The following BICC1 variants were observed in gnomAD, a reference collection of about 807,000 sequenced individuals.
BICC1 encodes the protein BicC family RNA binding protein 1.
A neutral mutation model predicts 111.0 loss-of-function variants in BICC1; 43 were observed. That is an observed-to-expected ratio of 0.39 (90% confidence interval 0.30 to 0.50). The LOEUF (loss-of-function observed/expected upper bound fraction) is 0.50, where lower values mean the gene tolerates loss of function less well. BICC1 is among the 20% of genes least tolerant of loss of function. BICC1 has a pLI of 0.88. For missense variants in BICC1, 1,091 were observed against 1,203.2 expected (o/e 0.91, Z 1.38); for synonymous variants, 467 against 434.4 (o/e 1.07, Z -0.93).
intron 1 of BICC1, among the ~76,000 whole-genome samples, chr10:58,560,123 G>C (rs1378349522): frequency 6.6e-6 from 1 of 151,788 alleles, no homozygotes; most frequent in Non-Finnish European, 1.5e-5. Flanking sequence ...ATTTTTTGGA[G>C]TGATTTGAGA....
chr10:58,622,005 T>C (rs976134471), intron 2 of BICC1, among the ~76,000 whole-genome samples: 1 of 150,190 alleles, frequency 6.7e-6, no homozygotes, highest in Non-Finnish European at 1.5e-5. Flanking sequence ...ATCTCTCCTC[T>C]ACCACAAAAA....
chr10:58,600,453 G>T (rs1256751135), intron 1 of BICC1, among the ~76,000 whole-genome samples: 1 of 152,106 alleles, frequency 6.6e-6, no homozygotes, highest in Non-Finnish European at 1.5e-5. Context: ...TAAGCATTCA[G>T]GCTTAGACAG....
chr10:58,575,736 T>C (rs1844093173), intron 1 of BICC1, among the ~76,000 whole-genome samples: 1 of 152,160 alleles, frequency 6.6e-6, no homozygotes, highest in Admixed American at 6.6e-5. Flanking sequence ...AACCAGTTTT[T>C]AAATGAGAGT....
intron 3 of BICC1, among the ~76,000 whole-genome samples, chr10:58,767,714 G>A (rs573251023): frequency 8.5e-4 from 129 of 152,038 alleles, no homozygotes; most frequent in African/African-American, 2.9e-3. Flanking sequence ...AATAAAACTC[G>A]GTGTAATCAG....
chr10:58,632,514 T>C (rs1377332955), intron 2 of BICC1, among the ~76,000 whole-genome samples: 1 of 151,970 alleles, frequency 6.6e-6, no homozygotes, highest in Non-Finnish European at 1.5e-5. Flanking sequence ...GATTTTTTTT[T>C]TTTTCCCCTA....
rs1306144158 is a variant in BICC1 at position 58,829,300 on chromosome 10, T to G, written c.*409T>G. On this transcript the variant is annotated 3_prime_UTR_variant, in exon 21 of 21. Transcript: ENST00000373886. ...ATTTTGTTTGCTTGTTTTGTTTGGG[T>G]ATTTGGGGATTTTTAAAAAATAATC... 1 of 149,998 alleles carries G rather than the reference T, an allele frequency of 6.7e-6. No individual in the cohort carries two copies. Among genetic ancestry groups the G allele is most frequent in the Non-Finnish European group, 1.5e-5 (1 of 67,992 alleles). The allele number at this position is 149,998 out of a possible 1,614,324, so 9.3% of individuals were successfully genotyped here.
chr10:58,816,401 G>C (rs1844088719), intron 18 of BICC1, among the ~76,000 whole-genome samples: 1 of 152,170 alleles, frequency 6.6e-6, no homozygotes, highest in African/African-American at 2.4e-5. Context: ...TTCACCCCAA[G>C]AGATAAACAG....
intron 14 of BICC1, among the ~76,000 whole-genome samples, chr10:58,801,347 T>G (rs753917701): frequency 9.4e-4 from 143 of 152,172 alleles, no homozygotes; most frequent in Non-Finnish European, 1.4e-3. Flanking sequence ...AGGGCCATTT[T>G]TATTCTCTGA....
chr10:58,544,539 A>G (rs1332103013), intron 1 of BICC1, among the ~76,000 whole-genome samples: 6 of 152,264 alleles, frequency 3.9e-5, no homozygotes, highest in Non-Finnish European at 7.3e-5. Context: ...GCAGTGAAGT[A>G]TGGATATATA....
intron 2 of BICC1, among the ~76,000 whole-genome samples, chr10:58,695,612 G>C (rs756535550): frequency 3.3e-5 from 5 of 152,196 alleles, no homozygotes; most frequent in Non-Finnish European, 7.3e-5. Context: ...CTGAGATGCT[G>C]ATTACTTACC....
intron 5 of BICC1, 69 bp downstream of exon 5, chr10:58,787,150 A>C: frequency 3.5e-6 from 5 of 1,411,150 alleles, no homozygotes; most frequent in Non-Finnish European, 4.7e-6. Context: ...CAGTTTGCCT[A>C]TCTTTTTTTT....
chr10:58,683,114 T>A (rs536758583), intron 2 of BICC1, among the ~76,000 whole-genome samples: 28 of 152,346 alleles, frequency 1.8e-4, no homozygotes, highest in African/African-American at 6.5e-4. Flanking sequence ...TAGCCAGTTT[T>A]CCCAGCACCA....
At chr10:58,806,484 A>T (rs1843711868) in intron 15 of BICC1, 100 bp from the exon 16 acceptor site, 4 of 1,037,928 alleles carry the variant, frequency 3.9e-6, no homozygotes, top group Admixed American at 1.8e-5. Context: ...TCTCAGGCAG[A>T]TTCATGGAAC....
chr10:58,750,863 G>A (rs1039061903), intron 3 of BICC1, among the ~76,000 whole-genome samples: 4 of 152,082 alleles, frequency 2.6e-5, no homozygotes, highest in African/African-American at 7.2e-5. Flanking sequence ...TTGAAGCCAC[G>A]AATATTTTCT....
At chr10:58,777,298 A>G (rs2132749202) in intron 3 of BICC1, among the ~76,000 whole-genome samples, 1 of 152,080 alleles carries the variant, frequency 6.6e-6, no homozygotes, top group South Asian at 2.1e-4. Context: ...TCTCTCCATT[A>G]AGCTGCATTT....
intron 1 of BICC1, among the ~76,000 whole-genome samples, chr10:58,536,876 C>A (rs767413128): frequency 5.9e-5 from 9 of 151,736 alleles, no homozygotes; most frequent in Non-Finnish European, 1.2e-4. Context: ...GACATTACAA[C>A]TGACACCTCA....
intron 2 of BICC1, among the ~76,000 whole-genome samples, chr10:58,649,382 C>G (rs532440518): frequency 1.3e-5 from 2 of 152,312 alleles, no homozygotes; most frequent in Admixed American, 6.5e-5. Context: ...GGCTTGTGCT[C>G]TCTCTCTGAT....
intron 1 of BICC1, among the ~76,000 whole-genome samples, chr10:58,585,464 A>G (rs1052284602): frequency 6.6e-6 from 1 of 152,184 alleles, no homozygotes; most frequent in African/African-American, 2.4e-5. Context: ...TGGTGATACA[A>G]ATTAGGGTAA....
rs562412604 is a variant in BICC1 at position 58,658,954 on chromosome 10, C to A, written c.237+38053C>A. On this transcript the variant is annotated intron_variant, in intron 2 of 20. Transcript: ENST00000373886. The stretch of plus-strand genomic sequence containing the variant: ...TGTAATTGGTTCTGCACCCTCCCAG[C>A]AGATAGAACTAGGACATGTATCTGC... Among the ~76,000 whole-genome samples, 5 of 151,566 alleles carry A rather than the reference C, an allele frequency of 3.3e-5. No individual in the cohort carries two copies. In the South Asian group the frequency reaches 1.1e-3, roughly 32 times the overall value.
Sources: allele counts gnomAD v4.1 joint callset (sites outside exome capture counted in the v4.1 genomes callset), GRCh38; gene constraint gnomAD v4.1.1; transcripts MANE v1.5; gene names NCBI Gene and HGNC (gene_info 2026-07-23, HGNC 2026-07-21).